The following NCAPH variants were observed in gnomAD, a reference collection of about 807,000 sequenced individuals.
The protein encoded by NCAPH is condensin complex subunit 2.
A neutral mutation model predicts 85.5 loss-of-function variants in NCAPH; 38 were observed. That is an observed-to-expected ratio of 0.44 (90% CI 0.34 to 0.58). The LOEUF (loss-of-function observed/expected upper bound fraction) is 0.58. Ranked by LOEUF, NCAPH falls within the 20% of genes least tolerant of loss-of-function variation. NCAPH has a pLI of 0.01. For synonymous variants in NCAPH, 301 were observed against 335.1 expected (o/e 0.90, Z 1.11); for missense variants, 789 against 916.6 (o/e 0.86, Z 1.80).
chr2:96,372,962 A>T (rs1275014741), intron 17 of NCAPH, among the ~76,000 whole-genome samples: 6 of 152,096 alleles, frequency 3.9e-5, no homozygotes, highest in Admixed American at 1.3e-4. Context: ...GACTATATGT[A>T]TGTGTTGTGG....
intron 10 of NCAPH, 43 bp from the exon 11 acceptor site, chr2:96,360,100 A>G: frequency 9.1e-7 from 1 of 1,101,646 alleles, no homozygotes; most frequent in Non-Finnish European, 1.4e-6. Context: ...TAAATAGTTT[A>G]GGCCACAGAA....
At chr2:96,336,719 T>C (rs1419905560) in intron 1 of NCAPH, among the ~76,000 whole-genome samples, 1 of 152,172 alleles carries the variant, frequency 6.6e-6, no homozygotes, top group Non-Finnish European at 1.5e-5. Context: ...TATGGACCAC[T>C]CAGGGAAGTG....
Position 96,343,234 on chromosome 2 carries a change from T to C in NCAPH, c.525T>C (p.Asp175=), listed in dbSNP as rs149407661. Residue 175 remains aspartate, a synonymous_variant, in exon 5 of 18, where the codon GAT becomes GAC. Transcript: ENST00000240423. ...YAVRVDAVHA[D]VYRVLGGLGK... is the part of the protein sequence containing the mutation. Reference sequence around the variant, plus strand: ...TGCGCGTGGATGCCGTCCATGCCGATGTATACAGAGTCCTTGGGGGGCTGG... The same window carrying C: ...TGCGCGTGGATGCCGTCCATGCCGACGTATACAGAGTCCTTGGGGGGCTGG... The C allele has an allele frequency of 5.0e-5, 81 of 1,614,142 alleles. No individual in the cohort carries two copies. The African/African-American group carries it at 1.0e-3, about 20-fold the overall frequency.
chr2:96,335,990 CCGGTGCGGGGGGAGGGGAGGGCCGGCG>C, intron 1 of NCAPH, 142 bp downstream of exon 1: 1 of 813,814 alleles, frequency 1.2e-6, no homozygotes, highest in Non-Finnish European at 1.7e-6. Context: ...ACAGCAGAGG[CCGGTGCGGGGGGAGGGGAGGGCCGGCG>C]CGGGGCGGGC....
At chr2:96,364,986 G>A (rs2064675136) in intron 13 of NCAPH, among the ~76,000 whole-genome samples, 1 of 152,102 alleles carries the variant, frequency 6.6e-6, no homozygotes, top group Non-Finnish European at 1.5e-5. Context: ...ATGTGATCTG[G>A]TGTGGCAAAA....
At chr2:96,369,925 A>G (rs1395469123) in intron 17 of NCAPH, among the ~76,000 whole-genome samples, 1 of 152,220 alleles carries the variant, frequency 6.6e-6, no homozygotes, top group Non-Finnish European at 1.5e-5. Flanking sequence ...GTACTAAAAT[A>G]TGGAGGTAAC....
chr2:96,360,749 T>C (rs2064595746), intron 12 of NCAPH, 39 bp downstream of exon 12: 1 of 1,612,054 alleles, frequency 6.2e-7, no homozygotes. Context: ...ACACAAGGTA[T>C]CAAGTGGCTG....
chr2:96,340,971 T>C (rs2064286846), intron 1 of NCAPH, among the ~76,000 whole-genome samples: 1 of 152,174 alleles, frequency 6.6e-6, no homozygotes. Flanking sequence ...TTAAACATGT[T>C]TGGTGGAAAT....
intron 6 of NCAPH, among the ~76,000 whole-genome samples, chr2:96,350,380 G>A (rs182507719): frequency 3.3e-4 from 51 of 152,298 alleles, no homozygotes; most frequent in Non-Finnish European, 6.6e-4. Context: ...GTATAGTTCC[G>A]TTAACTACCT....
intron 6 of NCAPH, among the ~76,000 whole-genome samples, chr2:96,346,952 A>C (rs2064369962): frequency 6.6e-6 from 1 of 152,202 alleles, no homozygotes; most frequent in Admixed American, 6.5e-5. Flanking sequence ...GAAATCAATA[A>C]GAGCTACACC....
chr2:96,365,383 C>T lies in NCAPH; in HGVS notation c.1699-493C>T, dbSNP rs545673723. Among the ~76,000 whole-genome samples the T allele has an allele frequency of 3.3e-5, 5 of 152,190 alleles. No homozygotes were observed. In the South Asian group the frequency reaches 1.0e-3, roughly 32 times the overall value. On this transcript the variant is annotated intron_variant, in intron 13 of 17. Transcript: ENST00000240423. ...CAGGGAGCCTATTTAAGGACTGATT[C>T]CTGACCTGTGTCCCCCCACCCCACC...
intron 6 of NCAPH, among the ~76,000 whole-genome samples, chr2:96,344,603 C>G (rs1038322341): frequency 6.6e-6 from 1 of 152,174 alleles, no homozygotes; most frequent in Non-Finnish European, 1.5e-5. Flanking sequence ...TCACAACATT[C>G]TTGTATCATT....
intron 1 of NCAPH, among the ~76,000 whole-genome samples, chr2:96,340,038 T>A (rs528323478): frequency 6.9e-4 from 105 of 152,286 alleles, no homozygotes; most frequent in African/African-American, 2.4e-3. Flanking sequence ...TTTTCCTGCC[T>A]CAGCCTCCCA....
At position 96,335,856 on chromosome 2, in the gene NCAPH, G is replaced by A; in HGVS notation, c.19+8G>A. 2 of 1,485,954 alleles carry A rather than the reference G, an allele frequency of 1.3e-6. No individual in the cohort carries two copies. The highest frequency in any genetic ancestry group is 1.3e-5 in the South Asian group (1 of 76,882). 92.0% of individuals were successfully genotyped at this position (1,485,954 alleles called of 1,614,324 possible). ...TGGGACCTCCCGGCCCAGGTGAGCC[G>A]GGCGGTCGGGAGGCGCGGCGGGAAG... On this transcript the variant is annotated splice_region_variant and intron_variant, in intron 1 of 17. Coordinates refer to ENST00000240423, the MANE Select transcript of NCAPH (RefSeq NM_015341.5).
At position 96,344,245 on chromosome 2, in the gene NCAPH, C is replaced by A; in HGVS notation, c.720+16C>A. The A allele has an allele frequency of 6.3e-7, 1 of 1,591,706 alleles. No homozygotes were observed. The highest frequency in any genetic ancestry group is 1.2e-5 in the South Asian group (1 of 86,668). The stretch of plus-strand genomic sequence containing the variant: ...GAAGTGTGAGGTGAGGAACTGTATG[C>A]GCAGTGTGGTTTCTGACTAATTCAG... On this transcript the variant is annotated intron_variant, in intron 6 of 17. Coordinates refer to ENST00000240423, the MANE Select transcript of NCAPH (RefSeq NM_015341.5).
chr2:96,367,169 T>A, intron 14 of NCAPH, 88 bp from the exon 15 acceptor site: 3 of 870,306 alleles, frequency 3.4e-6, no homozygotes, highest in Non-Finnish European at 5.5e-6. Context: ...CCTTCTTTAG[T>A]TGAACTCCAG....
intron 6 of NCAPH, among the ~76,000 whole-genome samples, chr2:96,347,294 T>TA (rs1553446031): frequency 2.0e-4 from 30 of 151,470 alleles, no homozygotes; most frequent in East Asian, 7.7e-4. Context: ...TTTTTTTTTT[T>TA]ATCACTTTTG....
chr2:96,353,746 G>A (rs2104454942), intron 8 of NCAPH, among the ~76,000 whole-genome samples: 1 of 152,270 alleles, frequency 6.6e-6, no homozygotes, highest in African/African-American at 2.4e-5. Context: ...TCAAGCTTGA[G>A]GAATTTCCTG....
chr2:96,353,720 A>C (rs2064481859), intron 8 of NCAPH, among the ~76,000 whole-genome samples: 1 of 152,110 alleles, frequency 6.6e-6, no homozygotes, highest in South Asian at 2.1e-4. Flanking sequence ...GTGGCCTCGA[A>C]TCTCTTAGGC....
Sources: gnomAD v4.1 joint callset for allele counts (sites outside exome capture counted in the v4.1 genomes callset) on GRCh38, gnomAD v4.1.1 for gene constraint, MANE v1.5 for transcripts, NCBI Gene and HGNC (gene_info 2026-07-23, HGNC 2026-07-21) for gene names.